Variants in CELF2 observed in about 807,000 individuals in gnomAD.
CELF2 encodes the protein CUGBP Elav-like family member 2.
A neutral mutation model predicts 62.6 loss-of-function variants in CELF2; 8 were observed. The observed-to-expected ratio is 0.13, with a 90% CI of 0.07 to 0.23. CELF2 has a LOEUF of 0.23. CELF2 is among the 10% of genes least tolerant of loss of function. The pLI, the probability that CELF2 is intolerant of heterozygous loss-of-function variation, is 1.00. For missense variants in CELF2, 333 were observed against 671.0 expected (o/e 0.50, Z 5.56); for synonymous variants, 258 against 250.0 (o/e 1.03, Z -0.30).
At chr10:10,825,242 C>T (rs1564675636) in intron 1 of CELF2, among the ~76,000 whole-genome samples, 1 of 152,170 alleles carries the variant, frequency 6.6e-6, no homozygotes, top group South Asian at 2.1e-4. Flanking sequence ...CGGAGTCTCG[C>T]TCTGTCACCC....
chr10:11,147,883 C>G (rs1406238254), intron 1 of CELF2, among the ~76,000 whole-genome samples: 1 of 152,216 alleles, frequency 6.6e-6, no homozygotes, highest in African/African-American at 2.4e-5. Context: ...CGCCTGGGCT[C>G]ACACACAAGG....
the CELF2 span, among the ~76,000 whole-genome samples, chr10:10,477,957 T>C: frequency 1.1e-4 from 16 of 152,176 alleles, no homozygotes; most frequent in African/African-American, 3.1e-4. Flanking sequence ...ATATCTGTAA[T>C]ACAATTTAAT....
the CELF2 span, among the ~76,000 whole-genome samples, chr10:10,695,465 G>GA: frequency 6.6e-6 from 1 of 150,634 alleles, no homozygotes; most frequent in Non-Finnish European, 1.5e-5. Flanking sequence ...CAACTTTGGT[G>GA]AATCTGACAA....
chr10:10,513,620 G>C, the CELF2 span, among the ~76,000 whole-genome samples: 2 of 152,002 alleles, frequency 1.3e-5, no homozygotes, highest in African/African-American at 4.8e-5. Flanking sequence ...CCCACATATA[G>C]CAGAAAGTTC....
At chr10:11,054,641 C>G in intron 1 of CELF2, among the ~76,000 whole-genome samples, 1 of 152,066 alleles carries the variant, frequency 6.6e-6, no homozygotes, top group Non-Finnish European at 1.5e-5. Flanking sequence ...TTGGCACTGA[C>G]TGATGTGAAA....
At chr10:10,742,677 A>T in the CELF2 span, among the ~76,000 whole-genome samples, 1 of 152,056 alleles carries the variant, frequency 6.6e-6, no homozygotes, top group South Asian at 2.1e-4. Context: ...AAAGTTTTCA[A>T]CTTGAAATTG....
intron 1 of CELF2, among the ~76,000 whole-genome samples, chr10:11,064,149 G>A (rs755841684): frequency 1.9e-4 from 29 of 152,168 alleles, no homozygotes; most frequent in Admixed American, 5.2e-4. Flanking sequence ...GAGTCTTCTC[G>A]AAGTCTAAAT....
At chr10:11,071,137 A>G (rs2069837802) in intron 1 of CELF2, among the ~76,000 whole-genome samples, 1 of 152,196 alleles carries the variant, frequency 6.6e-6, no homozygotes, top group South Asian at 2.1e-4. Flanking sequence ...TGTAATTTAA[A>G]TCAGTTTTCT....
intron 2 of CELF2, among the ~76,000 whole-genome samples, chr10:11,187,925 C>A (rs570061475): frequency 3.3e-4 from 50 of 152,274 alleles, no homozygotes; most frequent in African/African-American, 1.2e-3. Context: ...GTAGTTAATA[C>A]TTCCGTGCTC....
intron 1 of CELF2, among the ~76,000 whole-genome samples, chr10:11,064,402 A>G (rs1206473356): frequency 1.3e-5 from 2 of 152,182 alleles, no homozygotes; most frequent in East Asian, 1.9e-4. Flanking sequence ...TTGTTTGCCT[A>G]TTATGATGAA....
chr10:10,766,235 G>A, the CELF2 span, among the ~76,000 whole-genome samples: 3 of 152,190 alleles, frequency 2.0e-5, no homozygotes, highest in Non-Finnish European at 4.4e-5. Flanking sequence ...GTACATCCTG[G>A]CCGAGGTTTA....
chr10:11,196,476 C>T (rs541631899), intron 2 of CELF2, among the ~76,000 whole-genome samples: 1 of 151,196 alleles, frequency 6.6e-6, no homozygotes, highest in East Asian at 2.0e-4. Flanking sequence ...CCAGCCTGGG[C>T]AATACAGCGA....
At chr10:10,565,135 C>T in the CELF2 span, among the ~76,000 whole-genome samples, 4 of 152,112 alleles carry the variant, frequency 2.6e-5, no homozygotes, top group Non-Finnish European at 5.9e-5. Flanking sequence ...CACTCGGGTT[C>T]GAGAGAAGGT....
At chr10:11,257,926 G>A in intron 5 of CELF2, 54 bp downstream of exon 5, 1 of 1,601,562 alleles carries the variant, frequency 6.2e-7, no homozygotes, top group Non-Finnish European at 8.5e-7. Context: ...GGAGCTCTGT[G>A]TCACAGTCGA....
intron 1 of CELF2, among the ~76,000 whole-genome samples, chr10:11,088,303 G>A (rs558571372): frequency 9.8e-5 from 15 of 152,294 alleles, no homozygotes; most frequent in Admixed American, 2.6e-4. Context: ...GAAACACTTC[G>A]GACATCTTTA....
chr10:10,499,917 C>A, the CELF2 span, among the ~76,000 whole-genome samples: 4 of 150,842 alleles, frequency 2.7e-5, no homozygotes, highest in Admixed American at 2.7e-4. Flanking sequence ...AATGGCAGTA[C>A]CAGGTACCAG....
At chr10:10,977,876 C>T (rs1215560293) in intron 2 of CELF2, among the ~76,000 whole-genome samples, 6 of 152,150 alleles carry the variant, frequency 3.9e-5, no homozygotes, top group Non-Finnish European at 8.8e-5. Flanking sequence ...TGATTGTCCC[C>T]ATCTCCTGGG....
intron 7 of CELF2, among the ~76,000 whole-genome samples, chr10:11,272,717 C>A (rs959340257): frequency 1.3e-5 from 2 of 152,180 alleles, no homozygotes; most frequent in African/African-American, 2.4e-5. Context: ...GTCCTACTCC[C>A]TTTCAGCTGA....
intron 2 of CELF2, chr10:10,922,640 CTCT>C (rs1337776478): frequency 5.3e-5 from 8 of 152,186 alleles, no homozygotes; most frequent in Non-Finnish European, 5.9e-5. Flanking sequence ...AGAGGCTGCT[CTCT>C]TCTTAGGTTT....
Sources: allele counts gnomAD v4.1 joint callset (sites outside exome capture counted in the v4.1 genomes callset), GRCh38; gene constraint gnomAD v4.1.1; transcripts MANE v1.5; gene names NCBI Gene and HGNC (gene_info 2026-07-23, HGNC 2026-07-21).